CDK14: variants seen among roughly 807,000 people sequenced by gnomAD.
CDK14 encodes cyclin-dependent kinase 14.
Under a neutral mutation model 60.7 loss-of-function variants are expected in CDK14, and 34 were observed. That is an observed-to-expected ratio of 0.56 (90% CI 0.43 to 0.75). The LOEUF (loss-of-function observed/expected upper bound fraction) is 0.75. Among genes scored for constraint, CDK14 ranks in the 30% least tolerant of loss-of-function variants. The probability of loss-of-function intolerance (pLI) is 0.00; values close to 1 mark genes in which losing one functional copy is unlikely to be tolerated. For synonymous variants in CDK14, 197 were observed against 203.7 expected, an observed-to-expected ratio of 0.97 and a Z score of 0.28; for missense variants, 482 against 564.1, an observed-to-expected ratio of 0.85 and a Z score of 1.47.
rs187708967 is a variant in CDK14 at position 90,772,264 on chromosome 7, T to C, written c.465-18309T>C. ...TACACTGCTTTCTCACTCAGTCTTCTGTTGCCTAGCTAGCAAGATTGCTTT... is the reference window on the plus strand; with the variant it reads ...TACACTGCTTTCTCACTCAGTCTTCCGTTGCCTAGCTAGCAAGATTGCTTT... On this transcript the variant is annotated intron_variant, in intron 4 of 14. Coordinates refer to ENST00000380050, the MANE Select transcript of CDK14 (RefSeq NM_001287135.2). Among the ~76,000 whole-genome samples the C allele has an allele frequency of 2.0e-3, 307 of 152,340 alleles. 3 individuals carry two copies. The highest frequency in any genetic ancestry group is 0.018 in the Admixed American group (278 of 15,302).
chr7:90,775,323 T>A (rs1804975068), intron 4 of CDK14, among the ~76,000 whole-genome samples: 1 of 152,194 alleles, frequency 6.6e-6, no homozygotes, highest in South Asian at 2.1e-4. Flanking sequence ...GATTTTTAGA[T>A]ACAGTATGAT....
Position 91,111,770 on chromosome 7 carries a change from T to G in CDK14, c.1155-772T>G, listed in dbSNP as rs1321636794. On this transcript the variant is annotated intron_variant, in intron 12 of 14. Coordinates refer to ENST00000380050, the MANE Select transcript of CDK14 (RefSeq NM_001287135.2). ...TTAGGAATACTTTTATTATCATTAT[T>G]ATATTAATTATCCAGGCTTGATTGC... 4.4e-4 allele frequency among the ~76,000 whole-genome samples: 67 copies of G among 152,348 alleles called. 1 individual carries two copies. Among genetic ancestry groups the G allele is most frequent in the Admixed American group, 4.4e-3 (67 of 15,298 alleles).
chr7:91,069,066 G>A (rs1369574796), intron 11 of CDK14, among the ~76,000 whole-genome samples: 1 of 152,108 alleles, frequency 6.6e-6, no homozygotes, highest in Non-Finnish European at 1.5e-5. Context: ...CACAGTAGTT[G>A]CTCAATACAT....
At chr7:90,795,284 T>G (rs1418034755) in intron 5 of CDK14, among the ~76,000 whole-genome samples, 1 of 152,166 alleles carries the variant, frequency 6.6e-6, no homozygotes, top group Non-Finnish European at 1.5e-5. Flanking sequence ...AATTCAATAA[T>G]GCAATATCCC....
chr7:90,917,105 T>C (rs1793105496), intron 7 of CDK14, among the ~76,000 whole-genome samples: 1 of 152,218 alleles, frequency 6.6e-6, no homozygotes, highest in African/African-American at 2.4e-5. Context: ...TTTCAGATCA[T>C]CTTATCTTTC....
intron 10 of CDK14, 147 bp downstream of exon 10, chr7:90,984,388 C>T: frequency 3.2e-6 from 2 of 618,886 alleles, no homozygotes; most frequent in Admixed American, 2.7e-5. Context: ...TTTGAAAAAG[C>T]AGGAAATCAG....
chr7:90,722,744 A>G (rs1400115975), intron 2 of CDK14, among the ~76,000 whole-genome samples: 1 of 152,156 alleles, frequency 6.6e-6, no homozygotes, highest in Non-Finnish European at 1.5e-5. Flanking sequence ...CAACTGTGCC[A>G]TAGTCAGATC....
intron 14 of CDK14, among the ~76,000 whole-genome samples, chr7:91,119,024 AGT>A (rs558111664): frequency 1.3e-5 from 2 of 151,794 alleles, no homozygotes; most frequent in East Asian, 2.0e-4. Context: ...GAAAATTTTT[AGT>A]GTGTGTGTGT....
At chr7:90,728,638 A>G (rs1802730817) in intron 3 of CDK14, among the ~76,000 whole-genome samples, 1 of 151,522 alleles carries the variant, frequency 6.6e-6, no homozygotes, top group Admixed American at 6.6e-5. Context: ...TTATTTCTGG[A>G]TTTCCTTTGA....
At position 91,080,810 on chromosome 7, in the gene CDK14, G is replaced by A. The variant is rs1040414444; in HGVS notation, c.1154+1330G>A. Reference sequence around the variant, plus strand: ...TACATTTAAAGTAACAGGAAAATCTGAAACTATCATACTGTAGCATAGCAG... The same window carrying A: ...TACATTTAAAGTAACAGGAAAATCTAAAACTATCATACTGTAGCATAGCAG... On this transcript the variant is annotated intron_variant, in intron 12 of 14. Transcript: ENST00000380050. Among the ~76,000 whole-genome samples, 4 of 152,144 alleles carry A rather than the reference G, an allele frequency of 2.6e-5. No individual in the cohort carries two copies. The East Asian group carries it at 7.7e-4, about 29-fold the overall frequency.
chr7:90,951,305 G>C (rs557858710), intron 8 of CDK14, among the ~76,000 whole-genome samples: 1 of 152,196 alleles, frequency 6.6e-6, no homozygotes, highest in South Asian at 2.1e-4. Context: ...TGTTGAGAGA[G>C]AGTTGTGGGA....
rs549811116 is a variant in CDK14, at chr7:90,979,077, G to A, written c.948-5071G>A. 4.8e-4 allele frequency among the ~76,000 whole-genome samples: 73 copies of A among 152,196 alleles called. 1 individual carries two copies. The highest frequency in any genetic ancestry group is 1.7e-3 in the African/African-American group (71 of 41,526). ...GTTTCTGTAGCAACTACTTATCTTT[G>A]TCATTTCGATGAGAAAGCAGCCATA... On this transcript the variant is annotated intron_variant, in intron 9 of 14. Transcript: ENST00000380050.
chr7:91,196,940 C>G lies in CDK14; in HGVS notation c.*29-10225C>G, dbSNP rs190857579. 5.5e-3 allele frequency among the ~76,000 whole-genome samples: 837 copies of G among 152,286 alleles called. 15 individuals carry two copies. The highest frequency in any genetic ancestry group is 0.018 in the African/African-American group (763 of 41,552). On this transcript the variant is annotated intron_variant, in intron 14 of 14. Coordinates refer to ENST00000380050, the MANE Select transcript of CDK14 (RefSeq NM_001287135.2). ...CTCACACTTTCAGATAGGAGTGTCA[C>G]TATACTTTTCATTTTAGTTCGTGTA... is the stretch of plus-strand genomic sequence containing the variant.
At chr7:90,975,748 T>C (rs1242393921) in intron 9 of CDK14, among the ~76,000 whole-genome samples, 1 of 152,108 alleles carries the variant, frequency 6.6e-6, no homozygotes, top group Non-Finnish European at 1.5e-5. Flanking sequence ...TTCTATGACA[T>C]TGACTTTTTT....
At chr7:91,011,063 G>A (rs1796146482) in intron 10 of CDK14, among the ~76,000 whole-genome samples, 1 of 151,860 alleles carries the variant, frequency 6.6e-6, no homozygotes, top group South Asian at 2.1e-4. Flanking sequence ...GATACTGCTT[G>A]CAGACAATTG....
At chr7:90,913,243 T>A (rs1436498829) in intron 7 of CDK14, among the ~76,000 whole-genome samples, 1 of 152,218 alleles carries the variant, frequency 6.6e-6, no homozygotes, top group Non-Finnish European at 1.5e-5. Context: ...CGCTAAAGCT[T>A]GAGTTTTAAA....
intron 10 of CDK14, among the ~76,000 whole-genome samples, chr7:91,038,084 C>G (rs1349298396): frequency 1.3e-5 from 2 of 152,138 alleles, no homozygotes; most frequent in Admixed American, 1.3e-4. Context: ...TCTCCCCAGC[C>G]CTCTCCCTCA....
rs985261285 is a variant in CDK14 at position 90,948,836 on chromosome 7, G to A, written c.827-6861G>A. The stretch of plus-strand genomic sequence containing the variant: ...GAGAAATAACAAAATAACAAACCTA[G>A]ATAGTGCCAGAACCTCTACCAGGCA... On this transcript the variant is annotated intron_variant, in intron 8 of 14. Coordinates refer to ENST00000380050, the MANE Select transcript of CDK14 (RefSeq NM_001287135.2). 5.3e-5 allele frequency among the ~76,000 whole-genome samples: 8 copies of A among 152,152 alleles called. No individual in the cohort carries two copies. The East Asian group carries it at 1.2e-3, about 22-fold the overall frequency.
At chr7:91,011,538 C>G (rs1796158958) in intron 10 of CDK14, among the ~76,000 whole-genome samples, 1 of 151,988 alleles carries the variant, frequency 6.6e-6, no homozygotes, top group Admixed American at 6.6e-5. Context: ...TTTCTGCCTC[C>G]TATTCTTGTT....
Sources: gnomAD v4.1 joint callset for allele counts (sites outside exome capture counted in the v4.1 genomes callset) on GRCh38, gnomAD v4.1.1 for gene constraint, MANE v1.5 for transcripts, NCBI Gene and HGNC (gene_info 2026-07-23, HGNC 2026-07-21) for gene names.